The following SH3BGR variants were observed in gnomAD, a reference collection of about 807,000 sequenced individuals.
The protein encoded by SH3BGR is SH3 domain binding glutamate rich protein.
SH3BGR carries 29 observed loss-of-function variants against 24.5 expected under a neutral mutation model. That is an observed-to-expected ratio of 1.18 (90% CI 0.88 to 1.61). SH3BGR has a LOEUF of 1.61. SH3BGR is among the 40% of genes most tolerant of loss of function. The pLI, the probability that SH3BGR is intolerant of heterozygous loss-of-function variation, is 0.00. For synonymous variants in SH3BGR, 55 were observed against 65.7 expected, an observed-to-expected ratio of 0.84 and a Z score of 0.79; for missense variants, 162 against 205.8, an observed-to-expected ratio of 0.79 and a Z score of 1.30.
intron 3 of SH3BGR, among the ~76,000 whole-genome samples, chr21:39,480,147 A>G (rs1326105868): frequency 1.3e-5 from 2 of 152,240 alleles, no homozygotes; most frequent in African/African-American, 4.8e-5. Flanking sequence ...TTTGAGATTA[A>G]GGATTTTAAT....
At chr21:39,512,782 ACT>A (rs879411020) in intron 6 of SH3BGR, among the ~76,000 whole-genome samples, 1 of 152,056 alleles carries the variant, frequency 6.6e-6, no homozygotes, top group Non-Finnish European at 1.5e-5. Context: ...ACAGAGCAAG[ACT>A]CTGTCTCCAA....
chr21:39,468,538 G>A (rs1042206141), intron 2 of SH3BGR, among the ~76,000 whole-genome samples: 1 of 151,994 alleles, frequency 6.6e-6, no homozygotes, highest in East Asian at 1.9e-4. Flanking sequence ...TCCTGTACTC[G>A]ATCGATCCTC....
upstream of SH3BGR, among the ~76,000 whole-genome samples, chr21:39,448,165 C>T (rs969147949): frequency 1.3e-5 from 2 of 152,238 alleles, no homozygotes; most frequent in Middle Eastern, 3.4e-3. Context: ...CACCCTAAAT[C>T]CAGGATGATT....
chr21:39,494,247 TC>T (rs199813196), intron 3 of SH3BGR, among the ~76,000 whole-genome samples: 75 of 136,306 alleles, frequency 5.5e-4, no homozygotes, highest in East Asian at 1.0e-3. Flanking sequence ...TTCTTCTTCT[TC>T]TTCTTTTTTT....
rs565759771 is a variant in SH3BGR at position 39,495,484 on chromosome 21, T to C, written c.313-4339T>C. Among the ~76,000 whole-genome samples, 233 of 140,992 alleles carry C rather than the reference T, an allele frequency of 1.7e-3. 3 individuals are homozygous for C. The highest frequency in any genetic ancestry group is 5.6e-3 in the African/African-American group (222 of 39,388). 92.5% of individuals were successfully genotyped at this position (140,992 alleles called of 152,430 possible). ...TATGAATCAGAGGGTAAAAGTCTCT[T>C]TTTTTTTTTTTTTGAGTAAAGATCT... is the stretch of plus-strand genomic sequence containing the variant. On this transcript the variant is annotated intron_variant, in intron 3 of 6. Coordinates refer to ENST00000333634, the MANE Select transcript of SH3BGR (RefSeq NM_007341.3).
intron 6 of SH3BGR, among the ~76,000 whole-genome samples, chr21:39,514,317 A>G (rs1421936090): frequency 2.6e-5 from 4 of 152,122 alleles, no homozygotes; most frequent in African/African-American, 9.7e-5. Flanking sequence ...AAGAATTCTC[A>G]TTTCCCATAG....
At chr21:39,446,149 C>T (rs1386340038) in intron 1 of SH3BGR, 2 of 147,626 alleles carry the variant, frequency 1.4e-5, no homozygotes, top group African/African-American at 2.5e-5. Context: ...CCCCTATTAA[C>T]CCCTTGTCAT....
chr21:39,511,944 C>A lies in SH3BGR; in HGVS notation c.*34+135C>A. The A allele has an allele frequency of 2.5e-6, 2 of 791,166 alleles. No individual in the cohort carries two copies. The highest frequency in any genetic ancestry group is 3.7e-6 in the Non-Finnish European group (2 of 538,294). The allele number at this position is 791,166 out of a possible 1,614,324, so 49.0% of individuals were successfully genotyped here. On this transcript the variant is annotated intron_variant, in intron 6 of 6. Coordinates refer to ENST00000333634, the MANE Select transcript of SH3BGR (RefSeq NM_007341.3). This position sits in a 1 kb window ranked among gnomAD's most constrained non-coding sequence, Gnocchi z 4.2. The stretch of plus-strand genomic sequence containing the variant: ...TGTCTCCTTCCAAAGCCCTGGTCTG[C>A]ACACCTTTCTGGCGGGGTCCAGCTC...
In SH3BGR at chr21:39,511,670, TTAAAA is replaced by T; in HGVS notation, c.436-6_436-2del. On this transcript the variant is annotated splice_polypyrimidine_tract_variant and splice_region_variant and intron_variant, in intron 5 of 6. Transcript: ENST00000333634. This position sits in a 1 kb window ranked among gnomAD's most constrained non-coding sequence, Gnocchi z 4.2. ...CTTCTTAATACTAATGTAAGTTTTG[TTAAAA>T]TAAGACGGAAGAAATAGCCATGGAG... is the stretch of plus-strand genomic sequence containing the variant. The T allele has an allele frequency of 6.2e-7, 1 of 1,608,984 alleles. No individual in the cohort carries two copies. Among genetic ancestry groups the T allele is most frequent in the South Asian group, 1.1e-5 (1 of 90,432 alleles).
intron 1 of SH3BGR, among the ~76,000 whole-genome samples, chr21:39,459,052 A>G (rs2077711763): frequency 6.7e-6 from 1 of 149,086 alleles, no homozygotes; most frequent in Non-Finnish European, 1.5e-5. Context: ...TTTTTTTTTC[A>G]CCCAAACAAG....
Position 39,511,164 on chromosome 21 carries a change from TTGTG to T in SH3BGR, c.436-511_436-508del, listed in dbSNP as rs1280401723. On this transcript the variant is annotated intron_variant, in intron 5 of 6. Transcript: ENST00000333634. This position sits in a 1 kb window ranked among gnomAD's most constrained non-coding sequence, Gnocchi z 4.2. ...TGTTGTATGTGTGGTGTATGTGTAT[TTGTG>T]TGTGGTGTATATGGTGTGTGGTGTG... Among the ~76,000 whole-genome samples the T allele has an allele frequency of 3.3e-5, 5 of 151,032 alleles. No individual in the cohort carries two copies. Among genetic ancestry groups the T allele is most frequent in the South Asian group, 4.2e-4 (2 of 4,774 alleles).
At chr21:39,460,099 C>T (rs113096845) in intron 1 of SH3BGR, among the ~76,000 whole-genome samples, 7 of 152,104 alleles carry the variant, frequency 4.6e-5, no homozygotes, top group African/African-American at 9.7e-5. Flanking sequence ...ACAGTCATTA[C>T]GTGTTACACA....
At chr21:39,454,515 C>T (rs890522484) in intron 1 of SH3BGR, among the ~76,000 whole-genome samples, 7 of 152,094 alleles carry the variant, frequency 4.6e-5, no homozygotes, top group Admixed American at 3.9e-4. Flanking sequence ...CAGGAGAGGG[C>T]GCGTGACTTC....
intron 1 of SH3BGR, among the ~76,000 whole-genome samples, chr21:39,457,244 C>CTTA (rs5843966): frequency 0.67 from 94,763 of 140,452 alleles, 32,392 homozygotes; most frequent in East Asian, 0.8. Context: ...ATATAAAAAT[C>CTTA]TTATTATATT....
At position 39,515,302 on chromosome 21, in the gene SH3BGR, G is replaced by T. The variant is rs1197760086; in HGVS notation, c.*249G>T. 8.1e-6 allele frequency: 2 copies of T among 247,178 alleles called. No individual in the cohort carries two copies. The highest frequency in any genetic ancestry group is 1.2e-4 in the East Asian group (1 of 8,214). The allele number at this position is 247,178 out of a possible 1,614,324, so 15.3% of individuals were successfully genotyped here. A position where few individuals can be genotyped will look rare whatever the true frequency, so the allele number is the denominator to read the frequency against. On this transcript the variant is annotated 3_prime_UTR_variant, in exon 7 of 7. Coordinates refer to ENST00000333634, the MANE Select transcript of SH3BGR (RefSeq NM_007341.3). ...GTGCCTGACAGTCTTGGCTTTTGAAGATTTTTTTTTCTTTTTTGCTCTGCA... is the reference window on the plus strand; with the variant it reads ...GTGCCTGACAGTCTTGGCTTTTGAATATTTTTTTTTCTTTTTTGCTCTGCA...
intron 6 of SH3BGR, among the ~76,000 whole-genome samples, chr21:39,512,773 C>CCA (rs1361794121): frequency 2.0e-5 from 3 of 152,124 alleles, no homozygotes; most frequent in Admixed American, 1.3e-4. Flanking sequence ...GCCTGGGTGA[C>CCA]AGAGCAAGAC....
chr21:39,486,895 C>G (rs1268149145), intron 3 of SH3BGR, among the ~76,000 whole-genome samples: 1 of 151,688 alleles, frequency 6.6e-6, no homozygotes, highest in Non-Finnish European at 1.5e-5. Flanking sequence ...TTTGTATTTT[C>G]TTAGTAGAGA....
chr21:39,449,655 TC>T (rs1337072424), upstream of SH3BGR, among the ~76,000 whole-genome samples: 1 of 152,172 alleles, frequency 6.6e-6, no homozygotes, highest in Non-Finnish European at 1.5e-5. Context: ...TTAAAAAAAT[TC>T]ATAGTGAAAA....
upstream of SH3BGR, among the ~76,000 whole-genome samples, chr21:39,450,816 A>G (rs1485599680): frequency 6.6e-6 from 1 of 152,016 alleles, no homozygotes; most frequent in Non-Finnish European, 1.5e-5. Flanking sequence ...GTTTTGTTTT[A>G]GAGATAAGGT....
Sources: allele counts gnomAD v4.1 joint callset (sites outside exome capture counted in the v4.1 genomes callset), GRCh38; gene constraint gnomAD v4.1.1; non-coding constraint Gnocchi (gnomAD v3.1); transcripts MANE v1.5; gene names NCBI Gene and HGNC (gene_info 2026-07-23, HGNC 2026-07-21).